The following VEZF1 variants were observed in gnomAD, a reference collection of about 807,000 sequenced individuals.
VEZF1 encodes vascular endothelial zinc finger 1, also known as putative transcription factor DB1.
Under a neutral mutation model 44.1 loss-of-function variants are expected in VEZF1, and 5 were observed. The ratio of observed to expected loss-of-function variants is 0.11; its 90% CI spans 0.06 to 0.24. The LOEUF (loss-of-function observed/expected upper bound fraction) is 0.24, where lower values mean the gene tolerates loss of function less well. Ranked by LOEUF, VEZF1 falls within the 10% of genes least tolerant of loss-of-function variation. VEZF1 has a pLI of 1.00. For synonymous variants in VEZF1, 236 were observed against 233.1 expected, an observed-to-expected ratio of 1.01 and a Z score of -0.11; for missense variants, 358 against 641.8, an observed-to-expected ratio of 0.56 and a Z score of 4.78.
intron 4 of VEZF1, among the ~76,000 whole-genome samples, chr17:57,979,514 T>C (rs956007177): frequency 3.0e-5 from 3 of 101,608 alleles, no homozygotes; most frequent in East Asian, 5.4e-4. Flanking sequence ...AAAATCAATA[T>C]AAAAGAGAAA....
Position 57,988,096 on chromosome 17 carries a change from T to C in VEZF1, c.16A>G (p.Thr6Ala). 1 of 726,032 alleles carries C rather than the reference T, an allele frequency of 1.4e-6. No individual in the cohort carries two copies. 45.0% of individuals were successfully genotyped at this position (726,032 alleles called of 1,614,324 possible). The change falls in exon 1 of 6, where the codon ACC (threonine) becomes GCC (alanine). Residue 6 changes from threonine (T) to alanine (A), a missense_variant. Physicochemically the swap from Thr to Ala is moderately conservative, Grantham distance 58. Transcript: ENST00000581208. MEANW[T>A]AFLFQAHEAS... The stretch of plus-strand genomic sequence containing the variant: ...CCCAGTACCTGGAACAGGAACGCGG[T>C]CCAGTTGGCCTCCATGGCTGCGGCG...
Position 57,988,144 on chromosome 17 carries a change from C to G in VEZF1, c.-33G>C. 1 of 715,046 alleles carries G rather than the reference C, an allele frequency of 1.4e-6. No homozygotes were observed. The highest frequency in any genetic ancestry group is 1.8e-6 in the Non-Finnish European group (1 of 546,832). The allele number at this position is 715,046 out of a possible 1,614,324, so 44.3% of individuals were successfully genotyped here. A position where few individuals can be genotyped will look rare whatever the true frequency, so the allele number is the denominator to read the frequency against. ...GCGGCCGACCCCCCTCCTCCCCACT[C>G]CCCCCGCTCGGGGAGCCTCCTCAGC... On this transcript the variant is annotated 5_prime_UTR_variant, in exon 1 of 6. Transcript: ENST00000581208.
Position 57,979,553 on chromosome 17 carries a change from T to C in VEZF1, c.977-240A>G, listed in dbSNP as rs947754164. Reference sequence around the variant, plus strand: ...ACTCTTTGCTATAAAAAAAAAACCATCAAAAAAAAAAAAAGCAAGTGTCTT... The same window carrying C: ...ACTCTTTGCTATAAAAAAAAAACCACCAAAAAAAAAAAAAGCAAGTGTCTT... On this transcript the variant is annotated intron_variant, in intron 4 of 5. Coordinates refer to ENST00000581208, the MANE Select transcript of VEZF1 (RefSeq NM_007146.3). Among the ~76,000 whole-genome samples, 131 of 130,982 alleles carry C rather than the reference T, an allele frequency of 1.0e-3. 1 individual carries two copies. Among genetic ancestry groups the C allele is most frequent in the Non-Finnish European group, 1.5e-3 (91 of 61,446 alleles). 85.9% of individuals were successfully genotyped at this position (130,982 alleles called of 152,430 possible). A position where few individuals can be genotyped will look rare whatever the true frequency, so the allele number is the denominator to read the frequency against.
intron 5 of VEZF1, among the ~76,000 whole-genome samples, chr17:57,977,176 A>C (rs1363429164): frequency 6.6e-6 from 1 of 151,910 alleles, no homozygotes; most frequent in African/African-American, 2.4e-5. Context: ...GAGTGCAGTG[A>C]TGCAATTGTA....
intron 2 of VEZF1, among the ~76,000 whole-genome samples, 162 bp downstream of exon 2, chr17:57,982,537 G>A (rs2075259174): frequency 6.6e-6 from 1 of 152,096 alleles, no homozygotes; most frequent in Non-Finnish European, 1.5e-5. Context: ...CCAAACTGAG[G>A]TTAGACCTGG....
chr17:57,977,852 G>GAAAAAAAAAAAAAAAAAAAAAA (rs572032894), intron 5 of VEZF1, among the ~76,000 whole-genome samples: 1 of 114,834 alleles, frequency 8.7e-6, no homozygotes, highest in Non-Finnish European at 2.0e-5. Flanking sequence ...CTCAAAAAAA[G>GAAAAAAAAAAAAAAAAAAAAAA]AAAAAAAAAA....
chr17:57,987,837 G>A (rs1261256991), intron 1 of VEZF1, among the ~76,000 whole-genome samples: 1 of 152,014 alleles, frequency 6.6e-6, no homozygotes, highest in Non-Finnish European at 1.5e-5. Flanking sequence ...GTGCGTGTGT[G>A]TGCTGGGGGG....
In VEZF1 at chr17:57,988,067, G is replaced by A. The variant is rs1479681506; in HGVS notation, c.33+12C>T. 2 of 492,938 alleles carry A rather than the reference G, an allele frequency of 4.1e-6. No homozygotes were observed. Among genetic ancestry groups the A allele is most frequent in the Non-Finnish European group, 5.8e-6 (2 of 347,626 alleles). 30.5% of individuals were successfully genotyped at this position (492,938 alleles called of 1,614,324 possible). On this transcript the variant is annotated intron_variant, in intron 1 of 5. Coordinates refer to ENST00000581208, the MANE Select transcript of VEZF1 (RefSeq NM_007146.3). ...TGTCCCCCCCGTGCCCCCCCGGGGG[G>A]GCCCCCAGTACCTGGAACAGGAACG...
At chr17:57,985,689 C>T (rs2075287686) in intron 1 of VEZF1, among the ~76,000 whole-genome samples, 1 of 152,164 alleles carries the variant, frequency 6.6e-6, no homozygotes, top group African/African-American at 2.4e-5. Context: ...TTTCATCACC[C>T]AGGGTAGTAG....
chr17:57,979,061 T>C, intron 5 of VEZF1, 91 bp downstream of exon 5: 14 of 1,498,966 alleles, frequency 9.3e-6, no homozygotes, highest in Non-Finnish European at 1.3e-5. Context: ...CTAGATTTCC[T>C]AAAACTGTGG....
Position 57,983,162 on chromosome 17 carries a change from G to C in VEZF1, c.265C>G (p.Leu89Val). The C allele has an allele frequency of 1.2e-6, 2 of 1,614,134 alleles. No homozygotes were observed. Among genetic ancestry groups the C allele is most frequent in the South Asian group, 1.1e-5 (1 of 91,084 alleles). Residue 89 changes from leucine (L) to valine (V), a missense_variant, in exon 2 of 6, where the codon CTG becomes GTG. Physicochemically the swap from Leu to Val is conservative, Grantham distance 32. Transcript: ENST00000581208. Reference protein sequence around the residue: ...CSKAFRDSYHLRRHESCHTGI... With the variant: ...CSKAFRDSYHVRRHESCHTGI... Reference sequence around the variant, plus strand: ...GTGTGGCAGGATTCGTGGCGCCTCAGGTGATAGCTGTCCCTGAAAGCTTTA... The same window carrying C: ...GTGTGGCAGGATTCGTGGCGCCTCACGTGATAGCTGTCCCTGAAAGCTTTA...
At chr17:57,985,774 C>T (rs60251750) in intron 1 of VEZF1, among the ~76,000 whole-genome samples, 38,941 of 152,150 alleles carry the variant, frequency 0.26, 7,235 homozygotes, top group African/African-American at 0.52. Context: ...CGGTGAGTCA[C>T]ATCTTGAATG....
chr17:57,985,197 G>C (rs920439027), intron 1 of VEZF1: 2 of 1,102,422 alleles, frequency 1.8e-6, no homozygotes, highest in East Asian at 6.4e-5. Flanking sequence ...ATAGCATTTA[G>C]AGGCATTTTT....
intron 5 of VEZF1, among the ~76,000 whole-genome samples, chr17:57,975,613 A>G (rs577311976): frequency 5.9e-5 from 9 of 152,228 alleles, no homozygotes; most frequent in East Asian, 1.9e-4. Flanking sequence ...ATACTCCTCA[A>G]TAAGTTCATG....
rs2143394466 is a variant in VEZF1, at chr17:57,988,106, C to T, written c.6G>A (p.Glu2=). 2 of 839,546 alleles carry T rather than the reference C, an allele frequency of 2.4e-6. No individual in the cohort carries two copies. The highest frequency in any genetic ancestry group is 3.1e-6 in the Non-Finnish European group (2 of 653,392). 52.0% of individuals were successfully genotyped at this position (839,546 alleles called of 1,614,324 possible). Residue 2 remains glutamate, a synonymous_variant, in exon 1 of 6, where the codon GAG becomes GAA. Transcript: ENST00000581208. The part of the protein sequence containing the change: M[E]ANWTAFLFQA... ...GGAACAGGAACGCGGTCCAGTTGGC[C>T]TCCATGGCTGCGGCGGCCGACCCCC...
At position 57,983,136 on chromosome 17, in the gene VEZF1, T is replaced by C. The variant is rs761715704; in HGVS notation, c.291A>G (p.Thr97=). 3.1e-6 allele frequency: 5 copies of C among 1,614,098 alleles called. No homozygotes were observed. The South Asian group carries it at 5.5e-5, about 18-fold the overall frequency. ...TTGGCCGGGACACCAACTTGATCCC[T>C]GTGTGGCAGGATTCGTGGCGCCTCA... The part of the protein sequence containing the change: ...YHLRRHESCH[T]GIKLVSRPKK... The change falls in exon 2 of 6, where the codon ACA becomes ACG. Residue 97 remains threonine, a synonymous_variant. Transcript: ENST00000581208.
rs763519444 is a variant in VEZF1 at position 57,974,728 on chromosome 17, G to A, written c.1311C>T (p.Thr437=). 1.2e-6 allele frequency: 2 copies of A among 1,614,128 alleles called. No homozygotes were observed. The highest frequency in any genetic ancestry group is 1.7e-6 in the Non-Finnish European group (2 of 1,180,020). Residue 437 remains threonine, a synonymous_variant, in exon 6 of 6, where the codon ACC becomes ACT. Transcript: ENST00000581208. ...PVNVSSAVNI[T]SPMNIGHPVT... Reference sequence around the variant, plus strand: ...CAGGATGCCCTATGTTCATTGGGCTGGTTATGTTAACTGCACTTGAAACAT... The same window carrying A: ...CAGGATGCCCTATGTTCATTGGGCTAGTTATGTTAACTGCACTTGAAACAT...
chr17:57,985,480 G>A (rs2075286299), intron 1 of VEZF1: 1 of 1,210,232 alleles, frequency 8.3e-7, no homozygotes, highest in Non-Finnish European at 1.0e-6. Context: ...GGGAGAGACA[G>A]AGTAAAATAA....
chr17:57,978,739 T>C (rs1407727277), intron 5 of VEZF1, among the ~76,000 whole-genome samples: 1 of 151,898 alleles, frequency 6.6e-6, no homozygotes. Flanking sequence ...AATAGCACAG[T>C]TGTAAGAAAA....
Sources: allele counts gnomAD v4.1 joint callset (sites outside exome capture counted in the v4.1 genomes callset), GRCh38; gene constraint gnomAD v4.1.1; transcripts MANE v1.5; gene names NCBI Gene and HGNC (gene_info 2026-07-23, HGNC 2026-07-21).